DCDC1: variants seen among roughly 807,000 people sequenced by gnomAD.
DCDC1 encodes doublecortin domain containing 1, also known as doublecortin domain-containing protein 1.
In DCDC1, 200 loss-of-function variants were observed where a neutral mutation model predicts 178.3. The observed-to-expected ratio is 1.12, with a 90% confidence interval of 1.00 to 1.26. The LOEUF (loss-of-function observed/expected upper bound fraction) is 1.26, where lower values mean the gene tolerates loss of function less well. Among genes scored for constraint, DCDC1 ranks in the 50% most tolerant of loss-of-function variants. The pLI, the probability that DCDC1 is intolerant of heterozygous loss-of-function variation, is 0.00. For synonymous variants in DCDC1, 690 were observed against 604.8 expected (o/e 1.14, Z -2.07); for missense variants, 1,983 against 1,749.2 (o/e 1.13, Z -2.38).
intron 3 of DCDC1, among the ~76,000 whole-genome samples, chr11:31,309,357 G>A (rs774300459): frequency 4.6e-5 from 7 of 152,142 alleles, no homozygotes; most frequent in African/African-American, 1.2e-4. Context: ...GGCAAACAAC[G>A]CCTTGAAAGG....
intron 9 of DCDC1, among the ~76,000 whole-genome samples, chr11:31,184,172 A>C (rs1290589208): frequency 6.6e-6 from 1 of 152,236 alleles, no homozygotes; most frequent in Non-Finnish European, 1.5e-5. Flanking sequence ...GCCTGACAAA[A>C]AACAAGCAAT....
At chr11:31,034,676 A>C (rs1953906931) in intron 20 of DCDC1, among the ~76,000 whole-genome samples, 1 of 152,206 alleles carries the variant, frequency 6.6e-6, no homozygotes, top group Non-Finnish European at 1.5e-5. Context: ...AGTAGGCTAT[A>C]CCATTGAGGT....
chr11:31,013,124 A>G lies in DCDC1; in HGVS notation c.2591+51345T>C, dbSNP rs115906840. On this transcript the variant is annotated intron_variant, in intron 20 of 38. Transcript: ENST00000684477. ...TGGTTTGAATATCTGATTTTTTTAA[A>G]CAACAAACCCACCAGATCTTTCTCC... Among the ~76,000 whole-genome samples, 569 of 152,306 alleles carry G rather than the reference A, an allele frequency of 3.7e-3. 3 individuals carry two copies. The highest frequency in any genetic ancestry group is 0.012 in the African/African-American group (516 of 41,580).
intron 9 of DCDC1, among the ~76,000 whole-genome samples, chr11:31,147,948 G>A (rs1210015361): frequency 6.6e-6 from 1 of 152,092 alleles, no homozygotes; most frequent in East Asian, 1.9e-4. Context: ...TATCTCTTAA[G>A]AGAGAGGCTG....
At chr11:31,094,661 A>G (rs1958036305) in intron 15 of DCDC1, among the ~76,000 whole-genome samples, 1 of 152,152 alleles carries the variant, frequency 6.6e-6, no homozygotes, top group Non-Finnish European at 1.5e-5. Context: ...ATTCCAAGTA[A>G]AGGCAAGGAA....
At chr11:31,182,502 A>G (rs1472726570) in intron 9 of DCDC1, among the ~76,000 whole-genome samples, 1 of 152,194 alleles carries the variant, frequency 6.6e-6, no homozygotes, top group Non-Finnish European at 1.5e-5. Context: ...AAGGAGAAAT[A>G]AAGTACTTTA....
At chr11:31,166,426 G>A (rs1393489098) in intron 9 of DCDC1, among the ~76,000 whole-genome samples, 1 of 152,146 alleles carries the variant, frequency 6.6e-6, no homozygotes, top group African/African-American at 2.4e-5. Flanking sequence ...ACAGCAGAGG[G>A]AATGCACCTT....
In DCDC1 at chr11:30,866,483, C is replaced by G. The variant is rs376271249; in HGVS notation, c.*41-1151G>C. Among the ~76,000 whole-genome samples, 15 of 152,240 alleles carry G rather than the reference C, an allele frequency of 9.9e-5. No homozygotes were observed. The East Asian group carries it at 2.5e-3, about 26-fold the overall frequency. On this transcript the variant is annotated intron_variant, in intron 38 of 38. Coordinates refer to ENST00000684477, the MANE Select transcript of DCDC1 (RefSeq NM_001387274.1). The stretch of plus-strand genomic sequence containing the variant: ...ATTCCATTCATGAGGCTACTGCCCT[C>G]ATGACTTAATTAGCCCCTAAGGGTC...
In DCDC1 at chr11:30,868,028, G is replaced by A. The variant is rs76987879; in HGVS notation, c.*41-2696C>T. Among the ~76,000 whole-genome samples the A allele has an allele frequency of 3.3e-3, 501 of 152,078 alleles. 1 individual carries two copies. Among genetic ancestry groups the A allele is most frequent in the Non-Finnish European group, 5.7e-3 (389 of 67,996 alleles). On this transcript the variant is annotated intron_variant, in intron 38 of 38. Coordinates refer to ENST00000684477, the MANE Select transcript of DCDC1 (RefSeq NM_001387274.1). ...AGTGTCCTGAATACCCACAATGTCA[G>A]CTCAAGAATGGAAGAACCAGAATAG...
chr11:30,923,347 T>C (rs1159470095), intron 23 of DCDC1, among the ~76,000 whole-genome samples: 2 of 151,184 alleles, frequency 1.3e-5, no homozygotes, highest in African/African-American at 4.9e-5. Context: ...CACCAAAATG[T>C]CAATGTGGCT....
At chr11:30,908,649 A>C (rs1176973690) in intron 29 of DCDC1, among the ~76,000 whole-genome samples, 5 of 152,160 alleles carry the variant, frequency 3.3e-5, no homozygotes, top group Admixed American at 3.3e-4. Flanking sequence ...GTTAAATATG[A>C]ATGATGGATA....
At chr11:30,877,426 T>C (rs564754608) in intron 38 of DCDC1, among the ~76,000 whole-genome samples, 2 of 152,292 alleles carry the variant, frequency 1.3e-5, no homozygotes, top group South Asian at 4.1e-4. Flanking sequence ...GTAACTGCTA[T>C]TTTTTTAATG....
At chr11:31,298,874 C>T (rs1947894466) in intron 6 of DCDC1, among the ~76,000 whole-genome samples, 1 of 152,140 alleles carries the variant, frequency 6.6e-6, no homozygotes, top group South Asian at 2.1e-4. Context: ...TTCAAATCCA[C>T]AAGCTTATTA....
At chr11:30,952,304 G>A in intron 21 of DCDC1, 141 bp downstream of exon 21, 1 of 646,404 alleles carries the variant, frequency 1.5e-6, no homozygotes, top group East Asian at 3.0e-5. Flanking sequence ...TTAATTGATA[G>A]AACAACAGAA....
intron 36 of DCDC1, among the ~76,000 whole-genome samples, chr11:30,888,185 AGGAAGAGAG>A (rs1943473704): frequency 6.6e-6 from 1 of 151,844 alleles, no homozygotes; most frequent in Non-Finnish European, 1.5e-5. Flanking sequence ...AGAGAAAGGA[AGGAAGAGAG>A]AGAAAGAAAG....
intron 9 of DCDC1, among the ~76,000 whole-genome samples, chr11:31,141,383 C>A (rs1435726701): frequency 6.6e-6 from 1 of 152,160 alleles, no homozygotes; most frequent in Non-Finnish European, 1.5e-5. Context: ...TTTAGTCCAA[C>A]CAAACTCTCA....
rs541595686 is a variant in DCDC1 at position 30,881,106 on chromosome 11, T to G, written c.5233+52A>C. The G allele has an allele frequency of 2.6e-5, 42 of 1,596,164 alleles. No individual in the cohort carries two copies. The South Asian group carries it at 4.5e-4, about 17-fold the overall frequency. Reference sequence around the variant, plus strand: ...GATATAAGCTCTTCCAAGAGAAGATTGAATGCTTTAATTCTTCAAAGACTT... The same window carrying G: ...GATATAAGCTCTTCCAAGAGAAGATGGAATGCTTTAATTCTTCAAAGACTT... On this transcript the variant is annotated intron_variant, in intron 37 of 38. Transcript: ENST00000684477.
intron 20 of DCDC1, among the ~76,000 whole-genome samples, chr11:30,960,291 C>T (rs1377286446): frequency 2.6e-5 from 4 of 152,136 alleles, no homozygotes; most frequent in Non-Finnish European, 5.9e-5. Flanking sequence ...GCCTATATAA[C>T]TTCAGCCCAT....
At chr11:31,273,379 G>A (rs1279663003) in intron 7 of DCDC1, among the ~76,000 whole-genome samples, 1 of 152,092 alleles carries the variant, frequency 6.6e-6, no homozygotes, top group African/African-American at 2.4e-5. Flanking sequence ...TCTTCCACCA[G>A]ATACCCTAAA....
Sources: allele counts gnomAD v4.1 joint callset (sites outside exome capture counted in the v4.1 genomes callset), GRCh38; gene constraint gnomAD v4.1.1; transcripts MANE v1.5; gene names NCBI Gene and HGNC (gene_info 2026-07-23, HGNC 2026-07-21).